Variants in ADGRL3 observed in about 807,000 individuals in gnomAD.
The protein encoded by ADGRL3 is adhesion G protein-coupled receptor L3, also known as calcium-independent alpha-latrotoxin receptor 3.
A neutral mutation model predicts 153.5 loss-of-function variants in ADGRL3; 62 were observed. The observed-to-expected ratio is 0.40, with a 90% CI of 0.33 to 0.50. ADGRL3 has a LOEUF of 0.50. ADGRL3 is among the 20% of genes least tolerant of loss of function. The pLI is 0.47. For synonymous variants in ADGRL3, 710 were observed against 672.5 expected (o/e 1.06, Z -0.86); for missense variants, 1,641 against 1,859.4 (o/e 0.88, Z 2.16).
chr4:61,441,033 T>C (rs2097523439), intron 2 of ADGRL3, among the ~76,000 whole-genome samples: 2 of 152,180 alleles, frequency 1.3e-5, no homozygotes, highest in Non-Finnish European at 2.9e-5. Flanking sequence ...ATTCCTTTTT[T>C]CCTGTTATTC....
intron 1 of ADGRL3, among the ~76,000 whole-genome samples, chr4:61,246,527 A>G (rs189270680): frequency 1.8e-3 from 274 of 152,194 alleles, no homozygotes; most frequent in African/African-American, 6.0e-3. Context: ...ATTTAAATTT[A>G]GATGTGTTAT....
chr4:61,660,362 T>A (rs1018579819), intron 5 of ADGRL3, among the ~76,000 whole-genome samples: 2 of 152,178 alleles, frequency 1.3e-5, no homozygotes, highest in African/African-American at 4.8e-5. Context: ...ATTGTTACTT[T>A]GAAAATTGTC....
At chr4:61,703,187 T>C (rs1305720864) in intron 6 of ADGRL3, among the ~76,000 whole-genome samples, 1 of 152,136 alleles carries the variant, frequency 6.6e-6, no homozygotes, top group Non-Finnish European at 1.5e-5. Flanking sequence ...TCCCTGTCAG[T>C]AAAATGGGAG....
At chr4:61,902,375 C>G (rs966160156) in intron 11 of ADGRL3, among the ~76,000 whole-genome samples, 3 of 152,126 alleles carry the variant, frequency 2.0e-5, no homozygotes, top group Non-Finnish European at 2.9e-5. Flanking sequence ...TCACTTCTCT[C>G]CATGCCCACT....
intron 6 of ADGRL3, among the ~76,000 whole-genome samples, chr4:61,691,704 A>C (rs1044533593): frequency 6.6e-6 from 1 of 152,178 alleles, no homozygotes; most frequent in South Asian, 2.1e-4. Context: ...ACTAAATCAT[A>C]AAATTCTGAA....
At chr4:61,309,930 A>G (rs2094934975) in intron 1 of ADGRL3, among the ~76,000 whole-genome samples, 1 of 152,058 alleles carries the variant, frequency 6.6e-6, no homozygotes, top group African/African-American at 2.4e-5. Context: ...CTTTACATGT[A>G]TAAGGAACTC....
intron 9 of ADGRL3, among the ~76,000 whole-genome samples, chr4:61,844,579 T>TAAA (rs2098090313): frequency 1.4e-5 from 1 of 74,036 alleles, no homozygotes; most frequent in African/African-American, 6.7e-5. Context: ...AAAAAAAATA[T>TAAA]ATATATATAT....
intron 9 of ADGRL3, among the ~76,000 whole-genome samples, chr4:61,849,229 A>G (rs2098172198): frequency 6.6e-6 from 1 of 152,090 alleles, no homozygotes; most frequent in African/African-American, 2.4e-5. Context: ...CCTTTACCAC[A>G]ATGTCACTTT....
At chr4:61,838,658 T>C (rs1461281094) in intron 9 of ADGRL3, among the ~76,000 whole-genome samples, 1 of 152,186 alleles carries the variant, frequency 6.6e-6, no homozygotes, top group Non-Finnish European at 1.5e-5. Context: ...AACTCTATTA[T>C]ATTAAGTTAA....
At chr4:61,968,959 C>T (rs12502939) in intron 17 of ADGRL3, among the ~76,000 whole-genome samples, 1,530 of 152,198 alleles carry the variant, frequency 0.01, 8 homozygotes, top group Non-Finnish European at 0.016. Flanking sequence ...TGATTTGAAA[C>T]TCCATTTTAG....
chr4:61,878,006 C>A (rs929799419), intron 9 of ADGRL3, among the ~76,000 whole-genome samples: 3 of 152,174 alleles, frequency 2.0e-5, no homozygotes, highest in African/African-American at 7.2e-5. Context: ...CTCCCCTTCA[C>A]CTTCCGCCAT....
At chr4:61,580,948 G>C (rs2098922277) in intron 4 of ADGRL3, among the ~76,000 whole-genome samples, 1 of 152,032 alleles carries the variant, frequency 6.6e-6, no homozygotes. Flanking sequence ...AGAGAAAAGG[G>C]AAGAATACTG....
chr4:62,044,571 T>C, intron 25 of ADGRL3, 22 bp downstream of exon 25: 1 of 1,454,910 alleles, frequency 6.9e-7, no homozygotes. Context: ...TAATTTTTCA[T>C]ATTTATTACT....
chr4:61,494,795 T>C (rs2098295662), intron 2 of ADGRL3, among the ~76,000 whole-genome samples: 1 of 152,148 alleles, frequency 6.6e-6, no homozygotes, highest in African/African-American at 2.4e-5. Context: ...ACTCTTTATA[T>C]ATATTGTGTC....
intron 1 of ADGRL3, among the ~76,000 whole-genome samples, chr4:61,347,063 G>A (rs1272150002): frequency 6.6e-6 from 1 of 152,022 alleles, no homozygotes; most frequent in Non-Finnish European, 1.5e-5. Context: ...CTTCTTGTAA[G>A]TGTATAGAAT....
chr4:62,070,351 C>T lies in ADGRL3; in HGVS notation c.4075C>T (p.Leu1359=). Residue 1359 remains leucine (L), a synonymous_variant, in exon 27 of 27, where the codon CTG becomes TTG. Coordinates refer to ENST00000683033, the MANE Select transcript of ADGRL3 (RefSeq NM_001387552.1). ...HERSSEQNRN[L]MNKLVNNLGS... Reference sequence around the variant, plus strand: ...GCGCTCCAGTGAACAGAACAGGAATCTGATGAACAAGCTGGTGAATAACCT... The same window carrying T: ...GCGCTCCAGTGAACAGAACAGGAATTTGATGAACAAGCTGGTGAATAACCT... The T allele has an allele frequency of 6.4e-7, 1 of 1,552,434 alleles. No individual in the cohort carries two copies. Among genetic ancestry groups the T allele is most frequent in the Non-Finnish European group, 8.7e-7 (1 of 1,147,216 alleles).
chr4:61,691,344 G>A (rs1262655308), intron 6 of ADGRL3, among the ~76,000 whole-genome samples: 4 of 152,218 alleles, frequency 2.6e-5, no homozygotes, highest in Non-Finnish European at 5.9e-5. Context: ...TTTATTATTG[G>A]TTTTGAAGAT....
In ADGRL3 at chr4:61,283,293, T is replaced by A. The variant is rs1479816197; in HGVS notation, c.-240+81528T>A. ...TGTTTAACTCAAACTTCTGTTTTAG[T>A]TTTATGGTAACTGCAGCCACTGCTA... is the stretch of plus-strand genomic sequence containing the variant. On this transcript the variant is annotated intron_variant, in intron 1 of 26. Coordinates refer to ENST00000683033, the MANE Select transcript of ADGRL3 (RefSeq NM_001387552.1). 3.3e-5 allele frequency among the ~76,000 whole-genome samples: 5 copies of A among 152,052 alleles called. No homozygotes were observed. In the East Asian group the frequency reaches 7.7e-4, roughly 23 times the overall value.
intron 1 of ADGRL3, among the ~76,000 whole-genome samples, chr4:61,327,266 T>G (rs1472966769): frequency 1.3e-5 from 2 of 151,828 alleles, no homozygotes; most frequent in South Asian, 2.1e-4. Context: ...TTTTAATTTA[T>G]GTACATCCAG....
Sources: allele counts gnomAD v4.1 joint callset (sites outside exome capture counted in the v4.1 genomes callset), GRCh38; gene constraint gnomAD v4.1.1; transcripts MANE v1.5; gene names NCBI Gene and HGNC (gene_info 2026-07-23, HGNC 2026-07-21).